The following CLIC5 variants were observed in gnomAD, a reference collection of about 807,000 sequenced individuals.
CLIC5 encodes the protein CLIC family member 5.
A neutral mutation model predicts 24.7 loss-of-function variants in CLIC5; 20 were observed. The observed-to-expected ratio is 0.81, with a 90% confidence interval of 0.57 to 1.18. The LOEUF (loss-of-function observed/expected upper bound fraction) is 1.18, where lower values mean the gene tolerates loss of function less well. Ranked by LOEUF, CLIC5 falls within the 50% of genes most tolerant of loss-of-function variation. CLIC5 has a pLI of 0.00. For synonymous variants in CLIC5, 159 were observed against 135.6 expected (o/e 1.17, Z -1.20); for missense variants, 341 against 326.1 (o/e 1.05, Z -0.35).
chr6:46,015,907 C>T (rs975812628), upstream of CLIC5: 14 of 1,010,548 alleles, frequency 1.4e-5, no homozygotes, highest in Admixed American at 3.5e-4. Flanking sequence ...GGCTGCAGGG[C>T]GGGGTCAGCC....
At chr6:45,969,665 T>A (rs1483534364) in intron 1 of CLIC5, among the ~76,000 whole-genome samples, 3 of 152,170 alleles carry the variant, frequency 2.0e-5, no homozygotes, top group Non-Finnish European at 4.4e-5. Context: ...TGGAAAGTCA[T>A]CTTCGAGAGA....
downstream of CLIC5, among the ~76,000 whole-genome samples, chr6:45,893,891 G>T (rs539047259): frequency 3.0e-4 from 45 of 152,192 alleles, no homozygotes; most frequent in African/African-American, 1.1e-3. Context: ...TAGTTTTCTT[G>T]TTTTAATTAA....
chr6:46,069,792 T>A (rs962145664), intron 1 of CLIC5, among the ~76,000 whole-genome samples: 2 of 152,082 alleles, frequency 1.3e-5, no homozygotes, highest in African/African-American at 2.4e-5. Context: ...CAGGCCAATA[T>A]CTATGATGAA....
chr6:46,035,593 A>G (rs1008614224), intron 1 of CLIC5, among the ~76,000 whole-genome samples: 5 of 152,184 alleles, frequency 3.3e-5, no homozygotes, highest in African/African-American at 1.2e-4. Flanking sequence ...CACAGTCTGC[A>G]TCTCCTCTGG....
downstream of CLIC5, chr6:45,880,910 C>CCG (rs1209858149): frequency 2.6e-6 from 1 of 379,530 alleles, no homozygotes; most frequent in Admixed American, 4.5e-5. Flanking sequence ...AGCAGTGTTG[C>CCG]CGGTGACATT....
chr6:45,987,151 T>C (rs1765772345), intron 1 of CLIC5, among the ~76,000 whole-genome samples: 2 of 152,228 alleles, frequency 1.3e-5, no homozygotes, highest in African/African-American at 4.8e-5. Context: ...TTAGTTGGTA[T>C]GTGGGAAGCT....
In CLIC5 at chr6:45,958,443, T is replaced by TATACACACACACACACACACAC. The variant is rs1554151289; in HGVS notation, c.64-3200_64-3199insGTGTGTGTGTGTGTGTGTGTAT. Among the ~76,000 whole-genome samples, 21 of 55,632 alleles carry TATACACACACACACACACACAC rather than the reference T, an allele frequency of 3.8e-4. 1 individual carries two copies. The highest frequency in any genetic ancestry group is 4.3e-4 in the Non-Finnish European group (11 of 25,434). The allele number at this position is 55,632 out of a possible 152,430, so 36.5% of individuals were successfully genotyped here. ...ACAATTATATATATATATATATATATATATATATATATATATATATATATA... is the reference window on the plus strand; with the variant it reads ...ACAATTATATATATATATATATATATATACACACACACACACACACACATATATATATATATATATATATATA... On this transcript the variant is annotated intron_variant, in intron 1 of 5. Coordinates refer to ENST00000339561, the MANE Select transcript of CLIC5 (RefSeq NM_016929.5).
intron 5 of CLIC5, among the ~76,000 whole-genome samples, chr6:45,910,983 G>A (rs930152413): frequency 1.3e-5 from 2 of 152,190 alleles, no homozygotes; most frequent in Non-Finnish European, 2.9e-5. Flanking sequence ...CCCACGCAGA[G>A]AGGCCAGCAC....
At chr6:45,993,556 C>A (rs1309124949) in intron 1 of CLIC5, among the ~76,000 whole-genome samples, 1 of 151,054 alleles carries the variant, frequency 6.6e-6, no homozygotes, top group Non-Finnish European at 1.5e-5. Context: ...GTGTGAGTTA[C>A]ATCAACCACA....
chr6:46,076,591 C>T (rs888890332), intron 1 of CLIC5, among the ~76,000 whole-genome samples: 5 of 152,172 alleles, frequency 3.3e-5, no homozygotes, highest in African/African-American at 1.2e-4. Context: ...CTCCCCAGAG[C>T]CTCCAGAAGG....
chr6:45,928,062 A>C (rs939024694), intron 4 of CLIC5, among the ~76,000 whole-genome samples: 2 of 152,114 alleles, frequency 1.3e-5, no homozygotes, highest in South Asian at 2.1e-4. Flanking sequence ...GCCTGGAAAC[A>C]AGCTTGAGAT....
intron 1 of CLIC5, among the ~76,000 whole-genome samples, chr6:46,021,600 G>A (rs544477977): frequency 2.0e-5 from 3 of 152,232 alleles, no homozygotes; most frequent in South Asian, 4.1e-4. Context: ...ATCACTTAGC[G>A]ATAAAAAGAA....
chr6:46,024,313 G>A (rs1180622441), intron 1 of CLIC5, among the ~76,000 whole-genome samples: 2 of 152,116 alleles, frequency 1.3e-5, no homozygotes, highest in African/African-American at 4.8e-5. Flanking sequence ...ACTCATGTTG[G>A]CCAGTCAGAA....
At chr6:46,102,771 G>A in the CLIC5 span, 1 of 152,238 alleles carries the variant, frequency 6.6e-6, no homozygotes, top group Admixed American at 6.5e-5. Flanking sequence ...CATACAAAGG[G>A]TGAGTGCTGT....
At chr6:45,918,994 C>A in intron 4 of CLIC5, 1 of 985,458 alleles carries the variant, frequency 1.0e-6, no homozygotes, top group Non-Finnish European at 1.2e-6. Context: ...ATTCAAACTA[C>A]TCCTGGGACG....
intron 4 of CLIC5, among the ~76,000 whole-genome samples, chr6:45,925,351 C>G (rs1379241804): frequency 6.8e-6 from 1 of 147,080 alleles, no homozygotes; most frequent in Non-Finnish European, 1.5e-5. Context: ...GAGTCTCGCT[C>G]TGTCACCCAG....
chr6:45,958,425 TATATATATATATATATATATA>T (rs1764721549), intron 1 of CLIC5, among the ~76,000 whole-genome samples: 1 of 5,120 alleles, frequency 2.0e-4, no homozygotes, highest in South Asian at 1.9e-3. Flanking sequence ...AAGACAATTA[TATATATATATATATATATATA>T]TATATATATA....
chr6:45,968,561 A>G (rs1765092606), intron 1 of CLIC5, among the ~76,000 whole-genome samples: 1 of 152,206 alleles, frequency 6.6e-6, no homozygotes. Flanking sequence ...TGGATGCCCC[A>G]GACCAAAGGG....
chr6:45,968,810 A>G (rs1370949752), intron 1 of CLIC5, among the ~76,000 whole-genome samples: 1 of 152,198 alleles, frequency 6.6e-6, no homozygotes, highest in Non-Finnish European at 1.5e-5. Flanking sequence ...ATGTTTGGAG[A>G]AGCAAGATGT....
Sources: allele counts gnomAD v4.1 joint callset (sites outside exome capture counted in the v4.1 genomes callset), GRCh38; gene constraint gnomAD v4.1.1; transcripts MANE v1.5; gene names NCBI Gene and HGNC (gene_info 2026-07-23, HGNC 2026-07-21).